OR14A2: variants seen among roughly 807,000 people sequenced by gnomAD.
The protein encoded by OR14A2 is olfactory receptor family 14 subfamily A member 2, also known as olfactory receptor 14A2.
For synonymous variants in OR14A2, 114 were observed against 58.6 expected, an observed-to-expected ratio of 1.95 and a Z score of -4.32; for missense variants, 237 against 152.9, an observed-to-expected ratio of 1.55 and a Z score of -2.90.
At chr1:247,738,864 G>C in the OR14A2 span, 1 of 780,550 alleles carries the variant, frequency 1.3e-6, no homozygotes, top group East Asian at 2.4e-5. Context: ...CCTCAACTCT[G>C]TCGCCTCCAC....
At chr1:247,742,898 G>A in the OR14A2 span, among the ~76,000 whole-genome samples, 17 of 152,142 alleles carry the variant, frequency 1.1e-4, no homozygotes, top group African/African-American at 4.1e-4. Context: ...AATTTTTCAA[G>A]TTAAATGTAT....
At chr1:247,727,259 A>T (rs1301325430), upstream of OR14A2, among the ~76,000 whole-genome samples, 49 of 147,664 alleles carry the variant, frequency 3.3e-4, no homozygotes, top group Non-Finnish European at 5.3e-4. Flanking sequence ...ATCCCTTGTA[A>T]GTTGGATTCC....
At chr1:247,745,886 C>A in the OR14A2 span, among the ~76,000 whole-genome samples, 2 of 152,132 alleles carry the variant, frequency 1.3e-5, no homozygotes, top group African/African-American at 4.8e-5. Flanking sequence ...GACTTCCTTG[C>A]ATTTCTAGGG....
At chr1:247,729,218 A>G in the OR14A2 span, among the ~76,000 whole-genome samples, 1 of 152,184 alleles carries the variant, frequency 6.6e-6, no homozygotes, top group Admixed American at 6.6e-5. Flanking sequence ...TAAGACCATT[A>G]GCAGTATAAT....
At chr1:247,745,717 CA>C in the OR14A2 span, among the ~76,000 whole-genome samples, 2 of 151,858 alleles carry the variant, frequency 1.3e-5, no homozygotes, top group Non-Finnish European at 2.9e-5. Flanking sequence ...AGACATCAGA[CA>C]AAAAAATTAA....
At chr1:247,735,160 A>G in the OR14A2 span, among the ~76,000 whole-genome samples, 1,999 of 152,270 alleles carry the variant, frequency 0.013, 36 homozygotes, top group African/African-American at 0.044. Flanking sequence ...ATTTGTGAGA[A>G]TCTGAAGGGA....
the OR14A2 span, among the ~76,000 whole-genome samples, chr1:247,747,763 A>C: frequency 4.6e-5 from 7 of 151,996 alleles, no homozygotes; most frequent in Admixed American, 6.6e-5. Context: ...GACTTTTTGA[A>C]TTTTCTTTGC....
chr1:247,746,496 T>A, the OR14A2 span: 1 of 152,196 alleles, frequency 6.6e-6, no homozygotes, highest in Admixed American at 6.6e-5. Flanking sequence ...TATGATGCCA[T>A]CCTGGGATAC....
the OR14A2 span, chr1:247,738,951 C>G: frequency 1.0e-5 from 8 of 780,578 alleles, no homozygotes; most frequent in Non-Finnish European, 1.9e-5. Context: ...GATTGGCATC[C>G]TTACTGCCAT....
At chr1:247,728,948 G>T (rs957353709), upstream of OR14A2, among the ~76,000 whole-genome samples, 1 of 152,008 alleles carries the variant, frequency 6.6e-6, no homozygotes, top group Non-Finnish European at 1.5e-5. Context: ...ATAGCACATG[G>T]TTCCATCTCT....
At chr1:247,743,870 G>T in the OR14A2 span, among the ~76,000 whole-genome samples, 1 of 151,868 alleles carries the variant, frequency 6.6e-6, no homozygotes, top group African/African-American at 2.4e-5. Context: ...TTCATTGAAG[G>T]TTTATTTTTC....
At chr1:247,742,948 G>A in the OR14A2 span, among the ~76,000 whole-genome samples, 19 of 152,194 alleles carry the variant, frequency 1.2e-4, no homozygotes, top group East Asian at 3.3e-3. Flanking sequence ...CTAGACACAC[G>A]TGACTACTGT....
At chr1:247,722,991 A>C (rs571395908), downstream of OR14A2, 2 of 616,144 alleles carry the variant, frequency 3.2e-6, no homozygotes, top group African/African-American at 3.7e-5. Flanking sequence ...TCAGGGAAAA[A>C]ATAATTTGAG....
At chr1:247,743,294 A>G in the OR14A2 span, among the ~76,000 whole-genome samples, 1 of 151,930 alleles carries the variant, frequency 6.6e-6, no homozygotes, top group African/African-American at 2.4e-5. Context: ...GCACCATGCC[A>G]GAACACCTCC....
exon 1 of OR14A2, chr1:247,723,757 G>A (rs1294357620): frequency 2.8e-6 from 2 of 718,136 alleles, no homozygotes; most frequent in African/African-American, 3.5e-5. Flanking sequence ...TAGCTGGAAG[G>A]CACATCCTAG....
chr1:247,738,593 A>G, the OR14A2 span: 2 of 758,062 alleles, frequency 2.6e-6, no homozygotes, highest in South Asian at 1.4e-5. Context: ...TTTACTCCAT[A>G]GGGCGCTTAT....
chr1:247,739,312 C>CAGA, the OR14A2 span: 1 of 780,700 alleles, frequency 1.3e-6, no homozygotes, highest in East Asian at 2.4e-5. Flanking sequence ...CAGAGACAAT[C>CAGA]CAAAGCCTTT....
chr1:247,739,707 G>C, the OR14A2 span: 6 of 569,014 alleles, frequency 1.1e-5, no homozygotes, highest in East Asian at 1.8e-4. Flanking sequence ...GAAATAGAAA[G>C]CAACTATTTT....
the OR14A2 span, chr1:247,739,594 G>T: frequency 1.4e-6 from 1 of 735,094 alleles, no homozygotes; most frequent in Non-Finnish European, 2.5e-6. Flanking sequence ...TTTTTTTGTT[G>T]TTGTTGTTCT....
Sources: allele counts gnomAD v4.1 joint callset (sites outside exome capture counted in the v4.1 genomes callset), GRCh38; gene constraint gnomAD v4.1.1; transcripts MANE v1.5; gene names NCBI Gene and HGNC (gene_info 2026-07-23, HGNC 2026-07-21).